CATSPERE: variants seen among roughly 807,000 people sequenced by gnomAD.
CATSPERE encodes the protein cation channel sperm-associated auxiliary subunit epsilon.
A neutral mutation model predicts 114.1 loss-of-function variants in CATSPERE; 93 were observed. The ratio of observed to expected loss-of-function variants is 0.81; its 90% CI spans 0.69 to 0.97. The LOEUF (loss-of-function observed/expected upper bound fraction) is 0.97, where lower values mean the gene tolerates loss of function less well. CATSPERE is among the 50% of genes least tolerant of loss of function. CATSPERE has a pLI of 0.00. For missense variants in CATSPERE, 1,058 were observed against 1,131.6 expected (o/e 0.93, Z 0.93); for synonymous variants, 341 against 384.1 (o/e 0.89, Z 1.31).
At chr1:244,526,796 T>C (rs1432942055) in intron 8 of CATSPERE, among the ~76,000 whole-genome samples, 1 of 152,022 alleles carries the variant, frequency 6.6e-6, no homozygotes, top group Non-Finnish European at 1.5e-5. Context: ...CTATTTTCCC[T>C]AAGTGTCAGC....
chr1:244,548,319 C>T (rs1264845429), intron 8 of CATSPERE, among the ~76,000 whole-genome samples: 2 of 152,214 alleles, frequency 1.3e-5, no homozygotes, highest in Non-Finnish European at 1.5e-5. Flanking sequence ...ACATGGACTT[C>T]CACTGACCAA....
chr1:244,594,304 A>G (rs1668098532), intron 17 of CATSPERE, among the ~76,000 whole-genome samples: 1 of 152,218 alleles, frequency 6.6e-6, no homozygotes, highest in African/African-American at 2.4e-5. Context: ...TGGGCAACAG[A>G]GTGAGACCTT....
chr1:244,636,131 A>G (rs115315624), intron 21 of CATSPERE, among the ~76,000 whole-genome samples: 2,864 of 152,264 alleles, frequency 0.019, 60 homozygotes, highest in Non-Finnish European at 0.023. Context: ...ATAGACCCTC[A>G]TTCTGATGCA....
chr1:244,490,703 T>C (rs946044065), intron 6 of CATSPERE, among the ~76,000 whole-genome samples: 1 of 152,200 alleles, frequency 6.6e-6, no homozygotes, highest in African/African-American at 2.4e-5. Context: ...ACCGAGATAA[T>C]ATTCACCAAC....
At chr1:244,490,334 G>T in intron 5 of CATSPERE, 113 bp from the exon 6 acceptor site, 1 of 640,764 alleles carries the variant, frequency 1.6e-6, no homozygotes, top group Non-Finnish European at 2.6e-6. Context: ...ATACCGTAAT[G>T]AAATATAAAG....
Position 244,552,717 on chromosome 1 carries a change from G to T in CATSPERE, c.932G>T (p.Arg311Leu), listed in dbSNP as rs573139470. ...GGTGTTCTTTACATAAAGAGTTTTC[G>T]TGGATTTATAAGACTGGGAGGAATT... ...INGVLYIKSFRGFIRLGGIVN... is the reference protein window; with the variant it reads ...INGVLYIKSFLGFIRLGGIVN... The change falls in exon 9 of 22, where the codon CGT becomes CTT. Residue 311 changes from arginine (R) to leucine (L), a missense_variant. Coordinates refer to ENST00000366534, the MANE Select transcript of CATSPERE (RefSeq NM_001130957.2). 1 of 1,614,044 alleles carries T rather than the reference G, an allele frequency of 6.2e-7. No individual in the cohort carries two copies. The highest frequency in any genetic ancestry group is 8.5e-7 in the Non-Finnish European group (1 of 1,179,982).
rs1441599053 is a variant in CATSPERE at position 244,474,118 on chromosome 1, G to A, written c.115-3423G>A. The stretch of plus-strand genomic sequence containing the variant: ...GTGATCTCGACTCACTGCAACCTCC[G>A]ACTCCCAGGTTCAAGCAATTCTCTT... On this transcript the variant is annotated intron_variant, in intron 2 of 21. Transcript: ENST00000366534. 3.3e-5 allele frequency among the ~76,000 whole-genome samples: 5 copies of A among 151,826 alleles called. No homozygotes were observed. In the South Asian group the frequency reaches 6.2e-4, roughly 19 times the overall value.
chr1:244,617,475 G>C, intron 19 of CATSPERE, 54 bp from the exon 20 acceptor site: 2 of 1,307,468 alleles, frequency 1.5e-6, no homozygotes, highest in Non-Finnish European at 1.0e-6. Context: ...CTATAATTTT[G>C]CGTATCAAAG....
rs138100129 is a variant in CATSPERE, at chr1:244,569,337, A to T, written c.1508-2993A>T. ...CAGAAATCACCCGCCTTCTGCGTTG[A>T]TCTCGCTGGGAACTGCAGACTGGAG... On this transcript the variant is annotated intron_variant, in intron 10 of 21. Coordinates refer to ENST00000366534, the MANE Select transcript of CATSPERE (RefSeq NM_001130957.2). Among the ~76,000 whole-genome samples, 1,456 of 152,254 alleles carry T rather than the reference A, an allele frequency of 9.6e-3. 29 individuals carry two copies. Among genetic ancestry groups the T allele is most frequent in the African/African-American group, 0.032 (1,347 of 41,546 alleles).
At position 244,635,411 on chromosome 1, in the gene CATSPERE, T is replaced by G. The variant is rs1674504509; in HGVS notation, c.2649-78T>G. ...ACTAGGATTATATATGGTTTGATTG[T>G]TACCATAGGGACATGGAGAGCGTTT... On this transcript the variant is annotated intron_variant, in intron 20 of 21. Transcript: ENST00000366534. 6.8e-6 allele frequency: 7 copies of G among 1,033,494 alleles called. No homozygotes were observed. The Admixed American group carries it at 7.5e-5, about 11-fold the overall frequency. 64.0% of individuals were successfully genotyped at this position (1,033,494 alleles called of 1,614,324 possible). A position where few individuals can be genotyped will look rare whatever the true frequency, so the allele number is the denominator to read the frequency against.
At chr1:244,495,455 C>A (rs1247786217) in intron 6 of CATSPERE, among the ~76,000 whole-genome samples, 2 of 152,150 alleles carry the variant, frequency 1.3e-5, no homozygotes, top group Admixed American at 6.5e-5. Flanking sequence ...AGCGGTGGCT[C>A]ACGCCTGTAC....
intron 6 of CATSPERE, among the ~76,000 whole-genome samples, chr1:244,492,087 C>T (rs1266684506): frequency 6.6e-6 from 1 of 152,156 alleles, no homozygotes; most frequent in Non-Finnish European, 1.5e-5. Context: ...CTCCCTAACT[C>T]ATTTTATGAG....
chr1:244,519,676 C>G (rs892922120), intron 8 of CATSPERE, among the ~76,000 whole-genome samples: 1 of 152,090 alleles, frequency 6.6e-6, no homozygotes, highest in Non-Finnish European at 1.5e-5. Flanking sequence ...CCCTGAGCTG[C>G]CAAAATGGGC....
At chr1:244,620,839 C>T (rs1337898871) in intron 20 of CATSPERE, among the ~76,000 whole-genome samples, 1 of 150,262 alleles carries the variant, frequency 6.7e-6, no homozygotes, top group African/African-American at 2.5e-5. Context: ...ATCTGCATAT[C>T]CCTGGTGACC....
At chr1:244,602,039 CTCTA>C (rs1485602650) in intron 17 of CATSPERE, among the ~76,000 whole-genome samples, 2 of 151,410 alleles carry the variant, frequency 1.3e-5, no homozygotes, top group African/African-American at 4.9e-5. Context: ...AACTGGAAAT[CTCTA>C]TGAGGTCAAG....
At chr1:244,606,681 A>T (rs771815591) in intron 18 of CATSPERE, among the ~76,000 whole-genome samples, 15 of 147,702 alleles carry the variant, frequency 1.0e-4, no homozygotes, top group Non-Finnish European at 1.9e-4. Context: ...AGTTCACTGC[A>T]ACCTCCACCT....
chr1:244,471,061 G>A (rs1270740820), intron 2 of CATSPERE, among the ~76,000 whole-genome samples: 1 of 151,950 alleles, frequency 6.6e-6, no homozygotes. Context: ...TTTTTGTGGA[G>A]TGTTGAATAT....
chr1:244,637,853 A>G (rs1402782759), intron 21 of CATSPERE, among the ~76,000 whole-genome samples: 1 of 152,234 alleles, frequency 6.6e-6, no homozygotes, highest in Non-Finnish European at 1.5e-5. Flanking sequence ...TCACAAAGAA[A>G]TTAGAAACCA....
chr1:244,492,627 T>G (rs1202032847), intron 6 of CATSPERE, among the ~76,000 whole-genome samples: 2 of 152,158 alleles, frequency 1.3e-5, no homozygotes, highest in African/African-American at 4.8e-5. Context: ...ACAAAGGGTA[T>G]TAAATTGGGA....
Sources: gnomAD v4.1 joint callset for allele counts (sites outside exome capture counted in the v4.1 genomes callset) on GRCh38, gnomAD v4.1.1 for gene constraint, MANE v1.5 for transcripts, NCBI Gene and HGNC (gene_info 2026-07-23, HGNC 2026-07-21) for gene names.